Variants in XKR9 observed in about 807,000 individuals in gnomAD.
The protein encoded by XKR9 is XK related 9.
Under a neutral mutation model 32.0 loss-of-function variants are expected in XKR9, and 32 were observed. The ratio of observed to expected loss-of-function variants is 1.00; its 90% CI spans 0.76 to 1.34. The LOEUF (loss-of-function observed/expected upper bound fraction) is 1.34. Among genes scored for constraint, XKR9 ranks in the 40% most tolerant of loss-of-function variants. The pLI is 0.00. For missense variants in XKR9, 546 were observed against 429.7 expected (o/e 1.27, Z -2.39); for synonymous variants, 168 against 143.4 (o/e 1.17, Z -1.22).
the XKR9 span, among the ~76,000 whole-genome samples, chr8:70,800,149 G>A: frequency 2.6e-5 from 4 of 152,128 alleles, no homozygotes; most frequent in Non-Finnish European, 4.4e-5. Flanking sequence ...TTCTGTTTAT[G>A]TGATGAATCA....
At chr8:70,790,567 G>A (rs1251940299), downstream of XKR9, among the ~76,000 whole-genome samples, 1 of 152,022 alleles carries the variant, frequency 6.6e-6, no homozygotes, top group Non-Finnish European at 1.5e-5. Context: ...GCATGCAGCA[G>A]GGTTCCAATG....
the XKR9 span, among the ~76,000 whole-genome samples, chr8:70,981,514 C>A: frequency 1.3e-5 from 2 of 152,038 alleles, no homozygotes; most frequent in Non-Finnish European, 2.9e-5. Flanking sequence ...TTTATGCTAT[C>A]TATTTCACTG....
intron 4 of XKR9, among the ~76,000 whole-genome samples, chr8:70,720,772 TTG>T (rs778727795): frequency 2.0e-5 from 3 of 152,182 alleles, no homozygotes; most frequent in Non-Finnish European, 2.9e-5. Context: ...TTTCTTTTTG[TTG>T]TGTCTCTGCC....
the XKR9 span, among the ~76,000 whole-genome samples, chr8:71,017,466 A>G: frequency 6.6e-6 from 1 of 152,152 alleles, no homozygotes; most frequent in African/African-American, 2.4e-5. Flanking sequence ...TGGGGATTGA[A>G]GTCATGATGG....
the XKR9 span, among the ~76,000 whole-genome samples, chr8:70,824,817 G>A: frequency 6.6e-6 from 1 of 151,958 alleles, no homozygotes; most frequent in East Asian, 1.9e-4. Flanking sequence ...GTGGTGTATG[G>A]TCTTAGATTT....
At chr8:70,760,738 A>G (rs1244115370) in intron 2 of XKR9, among the ~76,000 whole-genome samples, 2 of 152,174 alleles carry the variant, frequency 1.3e-5, no homozygotes, top group Non-Finnish European at 2.9e-5. Flanking sequence ...TCAGGGGTAC[A>G]TGTGCAGGAT....
chr8:70,942,707 C>T, the XKR9 span, among the ~76,000 whole-genome samples: 5 of 152,158 alleles, frequency 3.3e-5, no homozygotes, highest in African/African-American at 7.2e-5. Context: ...TTCAGGTCTG[C>T]GGTTGGGGCT....
the XKR9 span, among the ~76,000 whole-genome samples, chr8:70,841,551 C>T: frequency 0.024 from 3,651 of 152,220 alleles, 68 homozygotes; most frequent in Non-Finnish European, 0.032. Flanking sequence ...CATAAGGTCT[C>T]GAGTCACATG....
At chr8:71,063,405 C>T in the XKR9 span, among the ~76,000 whole-genome samples, 2 of 152,094 alleles carry the variant, frequency 1.3e-5, no homozygotes, top group South Asian at 4.1e-4. Context: ...TCATATTTGT[C>T]ATCTATCTGG....
the XKR9 span, among the ~76,000 whole-genome samples, chr8:70,795,574 G>T: frequency 7.9e-5 from 12 of 152,100 alleles, no homozygotes; most frequent in Non-Finnish European, 1.8e-4. Context: ...TTCCATAATG[G>T]TTGAACTAAT....
the XKR9 span, among the ~76,000 whole-genome samples, chr8:70,851,322 A>T: frequency 1.3e-4 from 20 of 152,250 alleles, no homozygotes. Flanking sequence ...ATTCATGGAT[A>T]GGAAGAATCA....
At chr8:70,811,407 A>G in the XKR9 span, among the ~76,000 whole-genome samples, 2 of 152,218 alleles carry the variant, frequency 1.3e-5, no homozygotes, top group African/African-American at 4.8e-5. Context: ...AAACACATTC[A>G]AAAGCTAGCA....
the XKR9 span, among the ~76,000 whole-genome samples, chr8:70,807,425 A>T: frequency 3.3e-5 from 5 of 152,230 alleles, no homozygotes; most frequent in Non-Finnish European, 7.3e-5. Flanking sequence ...ACTAACATTA[A>T]ATGTAAATGG....
At chr8:70,957,400 G>A in the XKR9 span, among the ~76,000 whole-genome samples, 1 of 152,014 alleles carries the variant, frequency 6.6e-6, no homozygotes, top group East Asian at 1.9e-4. Flanking sequence ...TTTAAGTTTA[G>A]GGGTACATGT....
chr8:70,907,976 A>G, the XKR9 span, among the ~76,000 whole-genome samples: 1 of 152,174 alleles, frequency 6.6e-6, no homozygotes, highest in Non-Finnish European at 1.5e-5. Context: ...TTTCATGACA[A>G]TTGTCTTGTA....
chr8:70,937,500 A>G, the XKR9 span, among the ~76,000 whole-genome samples: 2 of 152,012 alleles, frequency 1.3e-5, no homozygotes, highest in African/African-American at 4.8e-5. Flanking sequence ...TCAGTCTAGG[A>G]TGTCATTTTG....
At chr8:70,993,675 ATCCT>A in the XKR9 span, among the ~76,000 whole-genome samples, 44 of 113,350 alleles carry the variant, frequency 3.9e-4, no homozygotes, top group African/African-American at 1.6e-3. Flanking sequence ...CCTTCCTCCC[ATCCT>A]TCCTTCCACT....
At chr8:70,860,564 T>C in the XKR9 span, among the ~76,000 whole-genome samples, 1 of 152,116 alleles carries the variant, frequency 6.6e-6, no homozygotes, top group Non-Finnish European at 1.5e-5. Flanking sequence ...TATAAATTAT[T>C]GATTAAGATT....
the XKR9 span, among the ~76,000 whole-genome samples, chr8:70,925,938 A>G: frequency 1.3e-5 from 2 of 152,224 alleles, no homozygotes; most frequent in South Asian, 4.1e-4. Context: ...GATTTATAGA[A>G]CACTTTCTTA....
Sources: gnomAD v4.1 joint callset for allele counts (sites outside exome capture counted in the v4.1 genomes callset) on GRCh38, gnomAD v4.1.1 for gene constraint, MANE v1.5 for transcripts, NCBI Gene and HGNC (gene_info 2026-07-23, HGNC 2026-07-21) for gene names.